RNF144A: variants seen among roughly 807,000 people sequenced by gnomAD.
The protein encoded by RNF144A is ring finger protein 144A, also known as E3 ubiquitin-protein ligase RNF144A.
RNF144A carries 11 observed loss-of-function variants against 38.7 expected under a neutral mutation model. That is an observed-to-expected ratio of 0.28 (90% confidence interval 0.18 to 0.47). RNF144A has a LOEUF of 0.47. Among genes scored for constraint, RNF144A ranks in the 20% least tolerant of loss-of-function variants. The pLI is 0.99. For synonymous variants in RNF144A, 149 were observed against 143.9 expected (o/e 1.04, Z -0.25); for missense variants, 316 against 377.2 (o/e 0.84, Z 1.34).
chr2:7,073,901 G>A, the RNF144A span, among the ~76,000 whole-genome samples: 480 of 152,300 alleles, frequency 3.2e-3, 8 homozygotes, highest in African/African-American at 0.011. Flanking sequence ...TCAAATATCA[G>A]CTCTTTTTTG....
intron 6 of RNF144A, among the ~76,000 whole-genome samples, chr2:7,063,627 A>G (rs1030960806): frequency 6.6e-6 from 1 of 152,174 alleles, no homozygotes; most frequent in African/African-American, 2.4e-5. Context: ...AAGGCAGCTG[A>G]CCAACATTAA....
chr2:6,940,461 GT>G (rs1222746523), intron 1 of RNF144A, among the ~76,000 whole-genome samples: 1 of 152,000 alleles, frequency 6.6e-6, no homozygotes, highest in Non-Finnish European at 1.5e-5. Flanking sequence ...TGTACTATTT[GT>G]TTTCCATGGA....
chr2:7,061,708 T>C (rs1175388587), intron 6 of RNF144A, among the ~76,000 whole-genome samples: 3 of 152,350 alleles, frequency 2.0e-5, no homozygotes, highest in East Asian at 3.9e-4. Flanking sequence ...ATCTTACATT[T>C]ACTTTGGTAA....
intron 6 of RNF144A, among the ~76,000 whole-genome samples, chr2:7,056,754 TC>T (rs965613410): frequency 8.6e-5 from 13 of 152,008 alleles, no homozygotes; most frequent in African/African-American, 2.9e-4. Context: ...TTCCATGGTC[TC>T]CCCCCCAGTT....
chr2:6,939,092 G>GTGGAATATATTTTCA (rs1425236697), intron 1 of RNF144A, among the ~76,000 whole-genome samples: 1 of 152,110 alleles, frequency 6.6e-6, no homozygotes, highest in Non-Finnish European at 1.5e-5. Flanking sequence ...TATGTTGGGT[G>GTGGAATATATTTTCA]TTTACCTAGG....
chr2:6,941,518 A>G lies in RNF144A; in HGVS notation c.-12+371A>G, dbSNP rs1315701998. On this transcript the variant is annotated intron_variant, in intron 2 of 8. Transcript: ENST00000320892. This position sits in a 1 kb window ranked among gnomAD's most constrained non-coding sequence, Gnocchi z 6.5. ...ACTCAGAACTCAGTGAGGCAGCACC[A>G]GTGCCTGCTCTCACGAAGATTCTGT... Among the ~76,000 whole-genome samples, 1 of 152,232 alleles carries G rather than the reference A, an allele frequency of 6.6e-6. No homozygotes were observed. The highest frequency in any genetic ancestry group is 1.5e-5 in the Non-Finnish European group (1 of 68,044).
intron 3 of RNF144A, among the ~76,000 whole-genome samples, chr2:7,001,560 C>T (rs1460481127): frequency 6.6e-6 from 1 of 151,918 alleles, no homozygotes; most frequent in East Asian, 1.9e-4. Context: ...ACCTGTGGCC[C>T]CAGCTACTCA....
chr2:7,033,655 G>C (rs2103451802), intron 8 of RNF144A, among the ~76,000 whole-genome samples: 1 of 152,282 alleles, frequency 6.6e-6, no homozygotes, highest in African/African-American at 2.4e-5. Flanking sequence ...CCTCCTCCGT[G>C]AAGTCTCTTG....
At position 7,041,594 on chromosome 2, in the gene RNF144A, G is replaced by A. The variant is rs998133194; in HGVS notation, c.*1834G>A. 2 of 985,938 alleles carry A rather than the reference G, an allele frequency of 2.0e-6. No homozygotes were observed. Among genetic ancestry groups the A allele is most frequent in the Non-Finnish European group, 2.4e-6 (2 of 829,974 alleles). The allele number at this position is 985,938 out of a possible 1,614,324, so 61.1% of individuals were successfully genotyped here. On this transcript the variant is annotated 3_prime_UTR_variant, in exon 9 of 9. Transcript: ENST00000320892. ...GTTAGAATAGCTTTTCTGGAGGTGG[G>A]TGGCAACTCCACGCGGGAGTCATTG... is the stretch of plus-strand genomic sequence containing the variant.
rs58324246 is a variant in RNF144A at position 7,030,257 on chromosome 2, CTGTGTGTGTGTGTGTGTGTG to C, written c.747+72_747+91del. The C allele has an allele frequency of 6.2e-4, 451 of 724,886 alleles. 1 individual carries two copies. Among genetic ancestry groups the C allele is most frequent in the Non-Finnish European group, 8.7e-4 (374 of 428,944 alleles). 44.9% of individuals were successfully genotyped at this position (724,886 alleles called of 1,614,324 possible). A position where few individuals can be genotyped will look rare whatever the true frequency, so the allele number is the denominator to read the frequency against. ...CTGGAAGGTTGATCTCAGAGAGAGA[CTGTGTGTGTGTGTGTGTGTG>C]TGTGTGTGTGTGTGTGTGTGTGTGT... On this transcript the variant is annotated intron_variant, in intron 8 of 8. Transcript: ENST00000320892.
chr2:6,984,166 C>T (rs928400284), intron 2 of RNF144A, among the ~76,000 whole-genome samples: 4 of 152,170 alleles, frequency 2.6e-5, no homozygotes, highest in African/African-American at 9.6e-5. Flanking sequence ...AGCTGTGTAT[C>T]TTACCGATTT....
intron 1 of RNF144A, among the ~76,000 whole-genome samples, chr2:6,927,666 A>G (rs116475504): frequency 0.013 from 2,033 of 152,344 alleles, 36 homozygotes; most frequent in African/African-American, 0.046. Flanking sequence ...GCCAGTCCCA[A>G]TTGAGCTGTG....
At chr2:6,988,697 C>T (rs1017797398) in intron 2 of RNF144A, among the ~76,000 whole-genome samples, 9 of 152,080 alleles carry the variant, frequency 5.9e-5, no homozygotes, top group African/African-American at 1.9e-4. Flanking sequence ...TGTGTGAGCT[C>T]CTTTTTCCAC....
chr2:6,956,591 G>T (rs1558382162), intron 2 of RNF144A, among the ~76,000 whole-genome samples: 1 of 152,084 alleles, frequency 6.6e-6, no homozygotes, highest in Admixed American at 6.5e-5. Context: ...TTTGCAGTTG[G>T]GTCTTGAATC....
At chr2:6,975,127 T>C (rs1483076482) in intron 2 of RNF144A, among the ~76,000 whole-genome samples, 1 of 152,214 alleles carries the variant, frequency 6.6e-6, no homozygotes, top group Non-Finnish European at 1.5e-5. Context: ...ATAGGTTTAA[T>C]TGGACTGACA....
chr2:6,982,013 A>C (rs1281453731), intron 2 of RNF144A, among the ~76,000 whole-genome samples: 3 of 152,150 alleles, frequency 2.0e-5, no homozygotes, highest in African/African-American at 7.2e-5. Context: ...CACAGGGGAA[A>C]CTGCCACTTT....
rs1572465489 is a variant in RNF144A, at chr2:7,040,375, A to G, written c.*615A>G. ...CTTTTCAGGAGATTTAGAAAGCCTT[A>G]TGCACTCTTTGTGTTTTTCTTGAAA... On this transcript the variant is annotated 3_prime_UTR_variant, in exon 9 of 9. Transcript: ENST00000320892. 1 of 985,504 alleles carries G rather than the reference A, an allele frequency of 1.0e-6. No individual in the cohort carries two copies. The highest frequency in any genetic ancestry group is 1.2e-6 in the Non-Finnish European group (1 of 829,984). 61.0% of individuals were successfully genotyped at this position (985,504 alleles called of 1,614,324 possible).
At chr2:6,967,057 G>A (rs1435055929) in intron 2 of RNF144A, among the ~76,000 whole-genome samples, 1 of 152,044 alleles carries the variant, frequency 6.6e-6, no homozygotes, top group Non-Finnish European at 1.5e-5. Context: ...AGACAACTTT[G>A]TCTCCTCCCC....
At chr2:7,024,622 T>C (rs1558442115) in intron 7 of RNF144A, 106 bp downstream of exon 7, 3 of 1,245,432 alleles carry the variant, frequency 2.4e-6, no homozygotes, top group Non-Finnish European at 3.4e-6. Context: ...TGCCTACTCC[T>C]GTGTAACAGT....
Sources: gnomAD v4.1 joint callset for allele counts (sites outside exome capture counted in the v4.1 genomes callset) on GRCh38, gnomAD v4.1.1 for gene constraint, Gnocchi (gnomAD v3.1) non-coding constraint, MANE v1.5 for transcripts, NCBI Gene and HGNC (gene_info 2026-07-23, HGNC 2026-07-21) for gene names.